The following MARCHF8 variants were observed in gnomAD, a reference collection of about 807,000 sequenced individuals.
MARCHF8 encodes the protein E3 ubiquitin-protein ligase MARCHF8.
MARCHF8 carries 40 observed loss-of-function variants against 51.6 expected under a neutral mutation model. The observed-to-expected ratio is 0.77, with a 90% CI of 0.60 to 1.01. MARCHF8 has a LOEUF of 1.01. MARCHF8 is among the 50% of genes least tolerant of loss of function. The pLI is 0.00. For missense variants in MARCHF8, 685 were observed against 708.6 expected (o/e 0.97, Z 0.38); for synonymous variants, 263 against 280.3 (o/e 0.94, Z 0.62).
intron 3 of MARCHF8, among the ~76,000 whole-genome samples, chr10:45,484,979 A>G (rs1403597259): frequency 6.6e-6 from 1 of 152,190 alleles, no homozygotes; most frequent in African/African-American, 2.4e-5. Flanking sequence ...CTTACTGGCT[A>G]CTGGGTGCTA....
chr10:45,506,894 A>T (rs2043396155), intron 2 of MARCHF8, among the ~76,000 whole-genome samples: 1 of 152,168 alleles, frequency 6.6e-6, no homozygotes, highest in Non-Finnish European at 1.5e-5. Context: ...TTGGGCTCAG[A>T]GGCCTGACAA....
intron 1 of MARCHF8, among the ~76,000 whole-genome samples, chr10:45,570,731 T>C (rs1299599861): frequency 6.6e-6 from 1 of 152,196 alleles, no homozygotes; most frequent in Non-Finnish European, 1.5e-5. Flanking sequence ...ATTATGTCAA[T>C]CTAACAAGAT....
chr10:45,467,829 G>A (rs1379817429), intron 3 of MARCHF8, among the ~76,000 whole-genome samples: 1 of 152,098 alleles, frequency 6.6e-6, no homozygotes, highest in African/African-American at 2.4e-5. Flanking sequence ...CACACGACTC[G>A]ACAATTACTA....
At chr10:45,496,875 T>C (rs1279482678) in intron 2 of MARCHF8, among the ~76,000 whole-genome samples, 1 of 151,686 alleles carries the variant, frequency 6.6e-6, no homozygotes, top group Non-Finnish European at 1.5e-5. Context: ...AATATTACAA[T>C]ACAAAATAAT....
chr10:45,533,375 T>A (rs1343666883), intron 1 of MARCHF8, 86 bp from the exon 2 acceptor site: 3 of 746,280 alleles, frequency 4.0e-6, no homozygotes, highest in Middle Eastern at 5.6e-4. Context: ...TATACTTATA[T>A]TCATATGTAT....
chr10:45,504,026 G>GA (rs2043333026), intron 2 of MARCHF8, among the ~76,000 whole-genome samples: 1 of 152,210 alleles, frequency 6.6e-6, no homozygotes, highest in South Asian at 2.1e-4. Context: ...TTCGGGTGAT[G>GA]AAAATGTTCT....
intron 3 of MARCHF8, among the ~76,000 whole-genome samples, chr10:45,487,696 A>G (rs573956360): frequency 6.6e-6 from 1 of 152,352 alleles, no homozygotes; most frequent in African/African-American, 2.4e-5. Flanking sequence ...GCGGAAGAAT[A>G]ATATAATTAG....
intron 2 of MARCHF8, among the ~76,000 whole-genome samples, chr10:45,497,965 C>T (rs937963986): frequency 2.6e-5 from 4 of 152,170 alleles, no homozygotes; most frequent in African/African-American, 9.7e-5. Flanking sequence ...TTAAGCCACC[C>T]AGTCTGTGGT....
Position 45,463,620 on chromosome 10 carries a change from G to A in MARCHF8, c.619C>T (p.His207Tyr). ...FHHKEKRTLN[H>Y]KPLGNSKHSC... ...TGTTTGGAATTGCCAAGAGGTTTGT[G>A]GTTCAGGGTTCTTTTTTCTTTATGA... The change falls in exon 5 of 8, where the codon CAC (histidine) becomes TAC (tyrosine). Residue 207 changes from histidine (H) to tyrosine (Y), a missense_variant. By Grantham distance (83) the His-to-Tyr change is moderately conservative. Coordinates refer to ENST00000453424, the MANE Select transcript of MARCHF8 (RefSeq NM_001282866.2). 6.4e-7 allele frequency: 1 copy of A among 1,550,664 alleles called. No individual in the cohort carries two copies. The highest frequency in any genetic ancestry group is 1.2e-5 in the South Asian group (1 of 84,064).
At chr10:45,557,116 CTTTTTTTTT>C (rs58172142) in intron 1 of MARCHF8, among the ~76,000 whole-genome samples, 2 of 66,208 alleles carry the variant, frequency 3.0e-5, no homozygotes, top group South Asian at 6.2e-4. Flanking sequence ...GGTGCCTATT[CTTTTTTTTT>C]TTTTTTTTTT....
rs998281427 is a variant in MARCHF8 at position 45,456,047 on chromosome 10, T to C, written c.*2192A>G. On this transcript the variant is annotated 3_prime_UTR_variant, in exon 8 of 8. Transcript: ENST00000453424. ...CAAGTTCAGCATAAGGGGTTCCATA[T>C]GTGAAGTGGGGATTCACACTTAGAA... 4.6e-5 allele frequency: 7 copies of C among 152,262 alleles called. No homozygotes were observed. Among genetic ancestry groups the C allele is most frequent in the African/African-American group, 1.4e-4 (6 of 41,482 alleles). 9.4% of individuals were successfully genotyped at this position (152,262 alleles called of 1,614,324 possible). A position where few individuals can be genotyped will look rare whatever the true frequency, so the allele number is the denominator to read the frequency against.
At chr10:45,531,779 GTTC>G (rs1174983530) in intron 2 of MARCHF8, among the ~76,000 whole-genome samples, 1 of 152,130 alleles carries the variant, frequency 6.6e-6, no homozygotes, top group Non-Finnish European at 1.5e-5. Context: ...AAATGCAAGG[GTTC>G]ACTCTTCTTA....
intron 1 of MARCHF8, among the ~76,000 whole-genome samples, chr10:45,580,177 G>T (rs940154257): frequency 2.0e-5 from 3 of 151,844 alleles, no homozygotes; most frequent in African/African-American, 4.8e-5. Flanking sequence ...AAATCATTAC[G>T]TAAACAACTT....
intron 3 of MARCHF8, among the ~76,000 whole-genome samples, chr10:45,485,503 A>C (rs1162108188): frequency 1.3e-5 from 2 of 152,210 alleles, no homozygotes; most frequent in African/African-American, 4.8e-5. Flanking sequence ...GATCAAATCC[A>C]GCTGCCCACT....
chr10:45,532,747 GAC>G lies in MARCHF8; in HGVS notation c.102+361_102+362del, dbSNP rs2043907463. ...TGTTACAGCAGCTAGGGCAGACTAA[GAC>G]ACATATTAAGAAATTCCAGCCATCT... On this transcript the variant is annotated intron_variant, in intron 2 of 7. Coordinates refer to ENST00000453424, the MANE Select transcript of MARCHF8 (RefSeq NM_001282866.2). Among the ~76,000 whole-genome samples the G allele has an allele frequency of 8.5e-5, 13 of 152,304 alleles. No homozygotes were observed. In the South Asian group the frequency reaches 2.7e-3, roughly 32 times the overall value.
At chr10:45,461,197 C>A in intron 6 of MARCHF8, 34 bp downstream of exon 6, 1 of 1,419,916 alleles carries the variant, frequency 7.0e-7, no homozygotes, top group South Asian at 1.5e-5. Flanking sequence ...TCACTGGTTT[C>A]AGGAAGGGTG....
At chr10:45,536,351 G>A (rs1348042782), upstream of MARCHF8, among the ~76,000 whole-genome samples, 1 of 151,978 alleles carries the variant, frequency 6.6e-6, no homozygotes, top group East Asian at 1.9e-4. Context: ...ATAGCCACAT[G>A]CAAAAGAAAT....
chr10:45,517,124 T>C (rs1407897324), intron 2 of MARCHF8, among the ~76,000 whole-genome samples: 2 of 152,176 alleles, frequency 1.3e-5, no homozygotes, highest in African/African-American at 4.8e-5. Flanking sequence ...ACACCAAATT[T>C]CCCTGGAGTA....
chr10:45,583,797 A>C (rs561962781), intron 1 of MARCHF8, among the ~76,000 whole-genome samples: 1 of 152,194 alleles, frequency 6.6e-6, no homozygotes, highest in South Asian at 2.1e-4. Context: ...TTTTAAAGAC[A>C]ATAAAGACAT....
Sources: allele counts gnomAD v4.1 joint callset (sites outside exome capture counted in the v4.1 genomes callset), GRCh38; gene constraint gnomAD v4.1.1; transcripts MANE v1.5; gene names NCBI Gene and HGNC (gene_info 2026-07-23, HGNC 2026-07-21).